TBC1D1: variants seen among roughly 807,000 people sequenced by gnomAD.
The protein encoded by TBC1D1 is TBC1 (tre-2/USP6, BUB2, cdc16) domain family, member 1.
TBC1D1 carries 89 observed loss-of-function variants against 125.6 expected under a neutral mutation model. The observed-to-expected ratio is 0.71, with a 90% CI of 0.60 to 0.85. TBC1D1 has a LOEUF of 0.85. TBC1D1 is among the 40% of genes least tolerant of loss of function. TBC1D1 has a pLI of 0.00. For synonymous variants in TBC1D1, 565 were observed against 564.1 expected, an observed-to-expected ratio of 1.00 and a Z score of -0.02; for missense variants, 1,377 against 1,469.2, an observed-to-expected ratio of 0.94 and a Z score of 1.03.
chr4:38,087,863 G>GAAAA (rs367742093), intron 12 of TBC1D1, among the ~76,000 whole-genome samples: 2 of 83,944 alleles, frequency 2.4e-5, no homozygotes, highest in South Asian at 4.4e-4. Flanking sequence ...AAAAAAAAAA[G>GAAAA]AAAAAAAAAA....
chr4:37,941,340 G>C (rs1725518092), intron 2 of TBC1D1, among the ~76,000 whole-genome samples: 1 of 152,172 alleles, frequency 6.6e-6, no homozygotes. Flanking sequence ...TCTGATGGTA[G>C]TTTGTATTTC....
rs547365349 is a variant in TBC1D1, at chr4:38,053,185, G to T, written c.1911-1014G>T. Reference sequence around the variant, plus strand: ...AAATTTTCTAAAATTTCTGGCTCCTGTAGATGAAAATAACACCTCTGATTT... The same window carrying T: ...AAATTTTCTAAAATTTCTGGCTCCTTTAGATGAAAATAACACCTCTGATTT... On this transcript the variant is annotated intron_variant, in intron 11 of 19. Coordinates refer to ENST00000261439, the MANE Select transcript of TBC1D1 (RefSeq NM_015173.4). 3 of 1,530,964 alleles carry T rather than the reference G, an allele frequency of 2.0e-6. No homozygotes were observed. The East Asian group carries it at 7.6e-5, about 39-fold the overall frequency. The allele number at this position is 1,530,964 out of a possible 1,614,324, so 94.8% of individuals were successfully genotyped here.
intron 15 of TBC1D1, among the ~76,000 whole-genome samples, chr4:38,104,582 G>A (rs1450534614): frequency 1.3e-5 from 2 of 152,176 alleles, no homozygotes; most frequent in African/African-American, 4.8e-5. Flanking sequence ...GCTGCTGAAG[G>A]CTCCACAGAA....
chr4:38,100,180 A>G (rs1265689120), intron 14 of TBC1D1, among the ~76,000 whole-genome samples: 1 of 152,200 alleles, frequency 6.6e-6, no homozygotes, highest in African/African-American at 2.4e-5. Context: ...CAAGAAATAG[A>G]ATAATAGTAG....
In TBC1D1 at chr4:38,049,652, T is replaced by C. The variant is rs1578426914; in HGVS notation, c.1664T>C (p.Ile555Thr). ...GTGTGTGAAAAGGAGGCCTTGCCCA[T>C]CTCTGAGAGCTCCTTTAAGCTCCTC... The change falls in exon 11 of 20, where the codon ATC (isoleucine) becomes ACC (threonine). Residue 555 changes from isoleucine (I) to threonine (T), a missense_variant. Around this residue, in one of 3 missense-constraint regions of TBC1D1, gnomAD observed 822 missense variants for 824.6 expected, o/e 1.00. Transcript: ENST00000261439. The C allele has an allele frequency of 1.2e-6, 2 of 1,613,174 alleles. No individual in the cohort carries two copies. Among genetic ancestry groups the C allele is most frequent in the East Asian group, 4.5e-5 (2 of 44,862 alleles).
chr4:37,916,205 G>A (rs186262995), intron 2 of TBC1D1, among the ~76,000 whole-genome samples: 7 of 152,252 alleles, frequency 4.6e-5, no homozygotes, highest in African/African-American at 1.7e-4. Context: ...AGAGACTGGT[G>A]TATATCTTTA....
intron 2 of TBC1D1, among the ~76,000 whole-genome samples, chr4:37,946,273 G>A (rs1396250945): frequency 2.6e-5 from 4 of 152,172 alleles, no homozygotes; most frequent in Non-Finnish European, 5.9e-5. Flanking sequence ...AGCACTGTGG[G>A]GTGAATATGG....
In TBC1D1 at chr4:38,035,658, A is replaced by G; in HGVS notation, c.1373A>G (p.Glu458Gly). 6.2e-7 allele frequency: 1 copy of G among 1,613,926 alleles called. No individual in the cohort carries two copies. The highest frequency in any genetic ancestry group is 1.1e-5 in the South Asian group (1 of 91,046). Residue 458 changes from glutamate (E) to glycine (G), a missense_variant, in exon 8 of 20, where the codon GAG becomes GGG. Transcript: ENST00000261439. ...TCTTTTCTGAGATGTTTATATGAAG[A>G]GAAACAGAAAGAACACATCCATATT...
intron 6 of TBC1D1, among the ~76,000 whole-genome samples, chr4:38,025,343 A>G (rs1265712853): frequency 6.6e-6 from 1 of 152,218 alleles, no homozygotes; most frequent in Non-Finnish European, 1.5e-5. Context: ...AGATGCGTTC[A>G]GTGGGGAACT....
At position 37,945,271 on chromosome 4, in the gene TBC1D1, C is replaced by T. The variant is rs557900168; in HGVS notation, c.417+42759C>T. On this transcript the variant is annotated intron_variant, in intron 2 of 19. Coordinates refer to ENST00000261439, the MANE Select transcript of TBC1D1 (RefSeq NM_015173.4). ...GCTCATGCCTGTAATCTCAGCACTT[C>T]GGGAGGCTGAGGCGGGCAGATCACC... Among the ~76,000 whole-genome samples, 60 of 151,656 alleles carry T rather than the reference C, an allele frequency of 4.0e-4. 1 individual carries two copies. The South Asian group carries it at 7.1e-3, about 18-fold the overall frequency.
At chr4:38,120,958 A>C (rs1763750498) in intron 17 of TBC1D1, among the ~76,000 whole-genome samples, 1 of 152,190 alleles carries the variant, frequency 6.6e-6, no homozygotes, top group Non-Finnish European at 1.5e-5. Context: ...GAGGAGTATA[A>C]AAACTAAGGG....
intron 2 of TBC1D1, among the ~76,000 whole-genome samples, chr4:37,911,098 C>A (rs13107074): frequency 0.29 from 41,774 of 146,280 alleles, 6,230 homozygotes; most frequent in Middle Eastern, 0.32. Context: ...TAGGAATATT[C>A]ATCACAGAGT....
intron 7 of TBC1D1, among the ~76,000 whole-genome samples, chr4:38,028,130 CA>C (rs543949534): frequency 6.7e-6 from 1 of 150,250 alleles, no homozygotes. Context: ...AACAAACAAA[CA>C]AAAAAAACAG....
intron 12 of TBC1D1, among the ~76,000 whole-genome samples, chr4:38,081,483 G>A (rs1234473809): frequency 1.3e-5 from 2 of 152,102 alleles, no homozygotes; most frequent in African/African-American, 4.8e-5. Flanking sequence ...CTGGGAAAAT[G>A]TTGGCATTTT....
chr4:38,061,111 G>C (rs1752661392), intron 12 of TBC1D1, among the ~76,000 whole-genome samples: 1 of 152,180 alleles, frequency 6.6e-6, no homozygotes. Context: ...TTAAAAACAT[G>C]GTAAGGTTTA....
chr4:38,020,739 A>G (rs1163543388), intron 5 of TBC1D1, 44 bp downstream of exon 5: 6 of 1,552,622 alleles, frequency 3.9e-6, no homozygotes, highest in South Asian at 3.3e-5. Context: ...CTTCTTTACA[A>G]GGAATTTTAG....
intron 12 of TBC1D1, chr4:38,054,959 G>A (rs573410116): frequency 6.6e-6 from 1 of 152,626 alleles, no homozygotes; most frequent in African/African-American, 2.4e-5. Flanking sequence ...GTGCTCACTT[G>A]AGGCGTTCTT....
chr4:37,989,156 A>G (rs1298707357), intron 2 of TBC1D1, among the ~76,000 whole-genome samples: 1 of 152,116 alleles, frequency 6.6e-6, no homozygotes, highest in Non-Finnish European at 1.5e-5. Flanking sequence ...AGTCTGGCAC[A>G]TTTTTTGTTA....
chr4:38,100,500 C>G (rs1760116338), intron 14 of TBC1D1, among the ~76,000 whole-genome samples: 1 of 152,190 alleles, frequency 6.6e-6, no homozygotes, highest in Non-Finnish European at 1.5e-5. Flanking sequence ...ATCCAGGATG[C>G]TCTCCTCCTC....
Sources: gnomAD v4.1 joint callset for allele counts (sites outside exome capture counted in the v4.1 genomes callset) on GRCh38, gnomAD v4.1.1 for gene constraint, gnomAD v4.1.1 regional missense constraint, MANE v1.5 for transcripts, NCBI Gene and HGNC (gene_info 2026-07-23, HGNC 2026-07-21) for gene names.